MARK2: variants seen among roughly 807,000 people sequenced by gnomAD.
The protein encoded by MARK2 is microtubule affinity regulating kinase 2.
In MARK2, 16 loss-of-function variants were observed where a neutral mutation model predicts 89.8. The ratio of observed to expected loss-of-function variants is 0.18; its 90% CI spans 0.12 to 0.27. The LOEUF (loss-of-function observed/expected upper bound fraction) is 0.27, where lower values mean the gene tolerates loss of function less well. Among genes scored for constraint, MARK2 ranks in the 10% least tolerant of loss-of-function variants. MARK2 has a pLI of 1.00. For missense variants in MARK2, 621 were observed against 1,049.9 expected (o/e 0.59, Z 5.65); for synonymous variants, 382 against 399.5 (o/e 0.96, Z 0.52).
At chr11:63,857,754 A>G (rs930428383) in intron 1 of MARK2, among the ~76,000 whole-genome samples, 1 of 152,180 alleles carries the variant, frequency 6.6e-6, no homozygotes, top group Non-Finnish European at 1.5e-5. Flanking sequence ...TTCAAAATGC[A>G]AAGAGTCCTG....
chr11:63,862,488 C>G (rs1174175984), intron 1 of MARK2, among the ~76,000 whole-genome samples: 3 of 152,146 alleles, frequency 2.0e-5, no homozygotes, highest in Admixed American at 2.0e-4. Flanking sequence ...CACAAATGGC[C>G]TCCTCTGCCT....
chr11:63,889,246 T>C (rs1326136551), intron 1 of MARK2, among the ~76,000 whole-genome samples: 2 of 152,164 alleles, frequency 1.3e-5, no homozygotes, highest in African/African-American at 4.8e-5. Flanking sequence ...GCTCCCGTGC[T>C]ACAGTGAGGG....
chr11:63,896,005 A>G (rs552048592), intron 3 of MARK2, among the ~76,000 whole-genome samples: 22 of 152,184 alleles, frequency 1.4e-4, no homozygotes, highest in African/African-American at 3.6e-4. Context: ...TCTGGGGTCA[A>G]TGATCTACTG....
At chr11:63,895,130 G>T in intron 1 of MARK2, 29 bp from the exon 2 acceptor site, 1 of 1,598,254 alleles carries the variant, frequency 6.3e-7, no homozygotes, top group Non-Finnish European at 8.6e-7. Flanking sequence ...AGTGTGGCAT[G>T]TAATGGTATC....
intron 1 of MARK2, among the ~76,000 whole-genome samples, chr11:63,891,678 T>G (rs1438020477): frequency 6.6e-6 from 1 of 152,244 alleles, no homozygotes; most frequent in Non-Finnish European, 1.5e-5. Context: ...ACTTAGAAGG[T>G]GAACTAGAGG....
At chr11:63,841,253 C>T (rs1031667804) in intron 1 of MARK2, among the ~76,000 whole-genome samples, 1 of 152,162 alleles carries the variant, frequency 6.6e-6, no homozygotes, top group Non-Finnish European at 1.5e-5. Flanking sequence ...TATTTTGTTA[C>T]CCCCTGGCCC....
rs753542314 is a variant in MARK2 at position 63,904,082 on chromosome 11, C to T, written c.1611C>T (p.Ser537=). The change falls in exon 15 of 19, where the codon TCC becomes TCT. Residue 537 remains serine, a synonymous_variant. Coordinates refer to ENST00000402010, the MANE Select transcript of MARK2 (RefSeq NM_001039469.3). This position sits in a 1 kb window ranked among gnomAD's most constrained non-coding sequence, Gnocchi z 6.3. The part of the protein sequence containing the change: ...PRQHQKSMSA[S]VHPNKASGLP... ...AGCACCAGAAATCCATGTCGGCCTC[C>T]GTGCACCCCAACAAGGCCTCTGGGC... 2.3e-5 allele frequency: 37 copies of T among 1,605,750 alleles called. No individual in the cohort carries two copies. Among genetic ancestry groups the T allele is most frequent in the Admixed American group, 1.7e-4 (10 of 59,786 alleles).
intron 1 of MARK2, among the ~76,000 whole-genome samples, chr11:63,883,871 G>A (rs1456325559): frequency 2.0e-5 from 3 of 152,188 alleles, no homozygotes; most frequent in African/African-American, 7.2e-5. Flanking sequence ...AGAGGTGTAA[G>A]CCACCACGCC....
rs1940082400 is a variant in MARK2 at position 63,893,395 on chromosome 11, C to T, written c.55-1764C>T. 2.6e-5 allele frequency among the ~76,000 whole-genome samples: 4 copies of T among 152,144 alleles called. No homozygotes were observed. In the South Asian group the frequency reaches 8.3e-4, roughly 32 times the overall value. On this transcript the variant is annotated intron_variant, in intron 1 of 18. Coordinates refer to ENST00000402010, the MANE Select transcript of MARK2 (RefSeq NM_001039469.3). ...GTGTTGTAGCATATATTCTTTTTTACTGCCAACCAATATTCCCCGGTAAGG... is the reference window on the plus strand; with the variant it reads ...GTGTTGTAGCATATATTCTTTTTTATTGCCAACCAATATTCCCCGGTAAGG...
At chr11:63,867,539 T>C (rs1035549737) in intron 1 of MARK2, among the ~76,000 whole-genome samples, 1 of 152,218 alleles carries the variant, frequency 6.6e-6, no homozygotes, top group Non-Finnish European at 1.5e-5. Context: ...TGTAAGGGGC[T>C]TTTTCCAACT....
At chr11:63,846,363 AT>A (rs917051579) in intron 1 of MARK2, among the ~76,000 whole-genome samples, 2 of 150,560 alleles carry the variant, frequency 1.3e-5, no homozygotes, top group Non-Finnish European at 3.0e-5. Context: ...CAAAAAAAAA[AT>A]TTTTTTTTTG....
chr11:63,871,502 T>A (rs1938451018), intron 1 of MARK2, among the ~76,000 whole-genome samples: 1 of 151,938 alleles, frequency 6.6e-6, no homozygotes. Context: ...ATTCACTGTG[T>A]GCAGGTGTGG....
At position 63,839,404 on chromosome 11, in the gene MARK2, CGGGT is replaced by C; in HGVS notation, c.-101_-98del. On this transcript the variant is annotated 5_prime_UTR_variant, in exon 1 of 19. It removes the in-frame stop codon of an upstream open reading frame in the 5' UTR. Transcript: ENST00000402010. ...GCACCCCCGGCCGGGGCCCATGCGGCGGGTGCTCCTGCTGTGAGAAGCCCCGCCC... is the reference window on the plus strand; with the variant it reads ...GCACCCCCGGCCGGGGCCCATGCGGCGCTCCTGCTGTGAGAAGCCCCGCCC... 1.5e-6 allele frequency: 1 copy of C among 666,042 alleles called. No individual in the cohort carries two copies. The highest frequency in any genetic ancestry group is 2.6e-6 in the Non-Finnish European group (1 of 387,560). The allele number at this position is 666,042 out of a possible 1,614,324, so 41.3% of individuals were successfully genotyped here. A position where few individuals can be genotyped will look rare whatever the true frequency, so the allele number is the denominator to read the frequency against.
At chr11:63,869,919 G>GAC (rs142078437) in intron 1 of MARK2, among the ~76,000 whole-genome samples, 11,586 of 152,278 alleles carry the variant, frequency 0.076, 555 homozygotes, top group South Asian at 0.22. Context: ...CATACAGGAA[G>GAC]ACACTCAGGG....
chr11:63,858,514 C>T (rs577998022), intron 1 of MARK2, among the ~76,000 whole-genome samples: 23 of 152,118 alleles, frequency 1.5e-4, no homozygotes, highest in African/African-American at 4.6e-4. Context: ...CCACCACACC[C>T]GGCTAATTTT....
Position 63,900,341 on chromosome 11 carries a change from C to T in MARK2, c.769-218C>T, listed in dbSNP as rs982967455. Among the ~76,000 whole-genome samples the T allele has an allele frequency of 4.6e-5, 7 of 152,190 alleles. No individual in the cohort carries two copies. Among genetic ancestry groups the T allele is most frequent in the Non-Finnish European group, 8.8e-5 (6 of 68,036 alleles). On this transcript the variant is annotated intron_variant, in intron 8 of 18. Transcript: ENST00000402010. This position sits in a 1 kb window ranked among gnomAD's most constrained non-coding sequence, Gnocchi z 4.7. Reference sequence around the variant, plus strand: ...GTGTGTGTTCATCCCCCAAGGCACTCCGGATTGCAGGCCTCGGACTGGTCA... The same window carrying T: ...GTGTGTGTTCATCCCCCAAGGCACTTCGGATTGCAGGCCTCGGACTGGTCA...
chr11:63,895,485 GA>G, intron 2 of MARK2, 94 bp from the exon 3 acceptor site: 1 of 1,447,898 alleles, frequency 6.9e-7, no homozygotes, highest in Non-Finnish European at 9.7e-7. Context: ...GCTGTGGGAT[GA>G]AAAGGAGTAA....
chr11:63,895,536 G>A (rs190396547), intron 2 of MARK2, 44 bp from the exon 3 acceptor site: 59 of 1,581,500 alleles, frequency 3.7e-5, no homozygotes, highest in Non-Finnish European at 4.8e-5. Flanking sequence ...CCTGGGTTTC[G>A]CTGGTCAGAG....
intron 1 of MARK2, among the ~76,000 whole-genome samples, chr11:63,845,254 G>A (rs1217938734): frequency 1.3e-5 from 2 of 152,156 alleles, no homozygotes; most frequent in Non-Finnish European, 2.9e-5. Flanking sequence ...AGGAAGTATA[G>A]AAAGGATTTG....
Sources: gnomAD v4.1 joint callset for allele counts (sites outside exome capture counted in the v4.1 genomes callset) on GRCh38, gnomAD v4.1.1 for gene constraint, Gnocchi (gnomAD v3.1) non-coding constraint, MANE v1.5 for transcripts, NCBI Gene and HGNC (gene_info 2026-07-23, HGNC 2026-07-21) for gene names.